Variants in CCDC171 observed in about 807,000 individuals in gnomAD.
The protein encoded by CCDC171 is coiled-coil domain containing 171.
In CCDC171, 177 loss-of-function variants were observed where a neutral mutation model predicts 168.2. That is an observed-to-expected ratio of 1.05 (90% CI 0.93 to 1.19). The LOEUF is 1.19. Ranked by LOEUF, CCDC171 falls within the 50% of genes most tolerant of loss-of-function variation. The pLI is 0.00. For synonymous variants in CCDC171, 687 were observed against 540.8 expected (o/e 1.27, Z -3.75); for missense variants, 1,991 against 1,539.0 (o/e 1.29, Z -4.91).
chr9:15,591,865 T>C (rs1210274292), intron 5 of CCDC171, among the ~76,000 whole-genome samples: 2 of 152,208 alleles, frequency 1.3e-5, no homozygotes, highest in African/African-American at 4.8e-5. Flanking sequence ...TATGAACATT[T>C]GGAATTTTAG....
chr9:15,954,456 T>C (rs1829564058), intron 25 of CCDC171, among the ~76,000 whole-genome samples: 2 of 152,270 alleles, frequency 1.3e-5, no homozygotes, highest in South Asian at 2.1e-4. Context: ...AAGAGTGTGT[T>C]GTTTAAATTC....
intron 21 of CCDC171, among the ~76,000 whole-genome samples, chr9:15,804,272 A>C (rs2058970253): frequency 6.6e-6 from 1 of 152,080 alleles, no homozygotes; most frequent in Non-Finnish European, 1.5e-5. Context: ...ACTATGTTGA[A>C]TAGGAGTGGT....
chr9:15,554,108 C>T (rs2038577225), intron 1 of CCDC171, among the ~76,000 whole-genome samples: 1 of 151,976 alleles, frequency 6.6e-6, no homozygotes, highest in African/African-American at 2.4e-5. Flanking sequence ...CAAGCTCCGC[C>T]TCCCGGGTTC....
chr9:15,720,441 T>C (rs1564281296), intron 11 of CCDC171, among the ~76,000 whole-genome samples: 1 of 152,162 alleles, frequency 6.6e-6, no homozygotes, highest in Non-Finnish European at 1.5e-5. Flanking sequence ...ATGCCTAAGA[T>C]TAGTATGTAG....
At chr9:15,584,018 C>G (rs975162553) in intron 4 of CCDC171, among the ~76,000 whole-genome samples, 30 of 152,094 alleles carry the variant, frequency 2.0e-4, no homozygotes, top group Admixed American at 1.3e-4. Flanking sequence ...AGGTGCCCAC[C>G]ACCACGCCCG....
At chr9:15,666,422 A>G in intron 9 of CCDC171, 99 bp downstream of exon 9, 1 of 775,254 alleles carries the variant, frequency 1.3e-6, no homozygotes, top group Non-Finnish European at 2.0e-6. Flanking sequence ...TATAGCTCCC[A>G]TTAATGTCAG....
chr9:16,054,407 G>A (rs941073990), intron 1 of CCDC171, among the ~76,000 whole-genome samples: 3 of 152,268 alleles, frequency 2.0e-5, no homozygotes, highest in Non-Finnish European at 2.9e-5. Flanking sequence ...AGGAGGTAAC[G>A]TTAGAGTGAA....
At chr9:15,589,695 A>C (rs188144790) in intron 4 of CCDC171, among the ~76,000 whole-genome samples, 1 of 152,356 alleles carries the variant, frequency 6.6e-6, no homozygotes, top group East Asian at 1.9e-4. Context: ...AGTTGGATAC[A>C]GTTTGGCTTG....
chr9:16,108,622 G>A, the CCDC171 span, among the ~76,000 whole-genome samples: 2 of 152,112 alleles, frequency 1.3e-5, no homozygotes, highest in Admixed American at 6.5e-5. Flanking sequence ...TCAGAAATTC[G>A]GCATCACATG....
chr9:15,763,234 G>A (rs7024285), intron 18 of CCDC171, among the ~76,000 whole-genome samples: 408 of 152,306 alleles, frequency 2.7e-3, no homozygotes, highest in African/African-American at 9.0e-3. Flanking sequence ...CAATATTGAG[G>A]TATGATAATA....
intron 1 of CCDC171, among the ~76,000 whole-genome samples, chr9:15,557,543 G>A (rs1586936774): frequency 1.3e-5 from 2 of 152,074 alleles, no homozygotes; most frequent in African/African-American, 4.8e-5. Context: ...CTTTCTGTCT[G>A]TTATTGGTGT....
chr9:15,835,194 G>A (rs890692895), intron 21 of CCDC171, among the ~76,000 whole-genome samples: 2 of 152,022 alleles, frequency 1.3e-5, no homozygotes, highest in South Asian at 2.1e-4. Context: ...GAGGGAAACA[G>A]GTCATTGAAA....
At chr9:15,685,504 G>A (rs895353872) in intron 10 of CCDC171, among the ~76,000 whole-genome samples, 2 of 152,004 alleles carry the variant, frequency 1.3e-5, no homozygotes, top group Admixed American at 1.3e-4. Flanking sequence ...GCGTGGTGAC[G>A]TGTGCCTGTA....
chr9:15,837,503 A>G (rs535089315), intron 21 of CCDC171, among the ~76,000 whole-genome samples: 15 of 152,322 alleles, frequency 9.8e-5, no homozygotes, highest in Non-Finnish European at 1.8e-4. Flanking sequence ...ATGTTTTGCT[A>G]TGTTACTTCC....
At chr9:15,795,086 C>G (rs935816463) in intron 21 of CCDC171, among the ~76,000 whole-genome samples, 6 of 152,124 alleles carry the variant, frequency 3.9e-5, no homozygotes, top group African/African-American at 1.4e-4. Context: ...AAATCTATTT[C>G]TCAAGGTTCT....
At chr9:15,698,903 A>G (rs2051445291) in intron 11 of CCDC171, among the ~76,000 whole-genome samples, 1 of 152,116 alleles carries the variant, frequency 6.6e-6, no homozygotes, top group African/African-American at 2.4e-5. Flanking sequence ...GGTTGATTCT[A>G]TATCTTGGTT....
intron 1 of CCDC171, among the ~76,000 whole-genome samples, chr9:16,044,103 G>A (rs1183164401): frequency 2.6e-5 from 4 of 152,188 alleles, no homozygotes; most frequent in Non-Finnish European, 5.9e-5. Context: ...TCCCCAATGG[G>A]CTGTCCCCCT....
At chr9:15,643,170 T>G (rs186054140) in intron 7 of CCDC171, among the ~76,000 whole-genome samples, 1 of 152,254 alleles carries the variant, frequency 6.6e-6, no homozygotes, top group East Asian at 1.9e-4. Flanking sequence ...TTGCTAGCTT[T>G]TAAAATCATT....
chr9:15,671,065 G>T (rs2049072210), intron 9 of CCDC171, among the ~76,000 whole-genome samples: 1 of 152,158 alleles, frequency 6.6e-6, no homozygotes, highest in African/African-American at 2.4e-5. Context: ...GTACTTCAGT[G>T]TGGGCGACCA....
Sources: allele counts gnomAD v4.1 joint callset (sites outside exome capture counted in the v4.1 genomes callset), GRCh38; gene constraint gnomAD v4.1.1; transcripts MANE v1.5; gene names NCBI Gene and HGNC (gene_info 2026-07-23, HGNC 2026-07-21).